The following SEMA5A variants were observed in gnomAD, a reference collection of about 807,000 sequenced individuals.
SEMA5A encodes semaphorin 5A.
SEMA5A carries 55 observed loss-of-function variants against 135.5 expected under a neutral mutation model. The observed-to-expected ratio is 0.41, with a 90% CI of 0.33 to 0.51. SEMA5A has a LOEUF of 0.51. SEMA5A is among the 20% of genes least tolerant of loss of function. The probability of loss-of-function intolerance (pLI) is 0.37; values close to 1 mark genes in which losing one functional copy is unlikely to be tolerated. For missense variants in SEMA5A, 1,290 were observed against 1,419.9 expected, an observed-to-expected ratio of 0.91 and a Z score of 1.47; for synonymous variants, 580 against 546.5, an observed-to-expected ratio of 1.06 and a Z score of -0.85.
At chr5:9,093,939 C>A (rs1258509705) in intron 16 of SEMA5A, among the ~76,000 whole-genome samples, 1 of 152,186 alleles carries the variant, frequency 6.6e-6, no homozygotes, top group African/African-American at 2.4e-5. Context: ...TTGGCCGAGT[C>A]CTGCCCACAC....
chr5:9,163,857 A>T (rs1743432482), intron 11 of SEMA5A, among the ~76,000 whole-genome samples: 1 of 151,806 alleles, frequency 6.6e-6, no homozygotes, highest in African/African-American at 2.4e-5. Context: ...AGGAGAAACC[A>T]AACCTGCCGA....
intron 5 of SEMA5A, among the ~76,000 whole-genome samples, chr5:9,243,553 T>C (rs959261026): frequency 6.6e-6 from 1 of 152,188 alleles, no homozygotes; most frequent in Non-Finnish European, 1.5e-5. Flanking sequence ...AAACAATTCA[T>C]AGTCACAAAT....
intron 1 of SEMA5A, among the ~76,000 whole-genome samples, chr5:9,473,383 T>TTAAAAAAAA (rs375160174): frequency 2.5e-5 from 2 of 79,702 alleles, no homozygotes; most frequent in African/African-American, 5.1e-5. Context: ...CAATCAGTGG[T>TTAAAAAAAA]AAAAAAAAAA....
chr5:9,452,914 T>C (rs1257106603), intron 1 of SEMA5A, among the ~76,000 whole-genome samples: 1 of 152,124 alleles, frequency 6.6e-6, no homozygotes, highest in Admixed American at 6.6e-5. Flanking sequence ...GAAGAAGGAC[T>C]ACTCTGAGAG....
At chr5:9,128,287 T>C (rs569123745) in intron 13 of SEMA5A, among the ~76,000 whole-genome samples, 8 of 152,266 alleles carry the variant, frequency 5.3e-5, no homozygotes, top group East Asian at 1.9e-4. Context: ...ACCCCTTCAG[T>C]TGGGCCAGTG....
chr5:9,427,790 G>A (rs1049502667), intron 2 of SEMA5A, among the ~76,000 whole-genome samples: 1 of 152,096 alleles, frequency 6.6e-6, no homozygotes, highest in African/African-American at 2.4e-5. Flanking sequence ...TCCTCTAGTA[G>A]GTGGATCCTT....
intron 1 of SEMA5A, among the ~76,000 whole-genome samples, chr5:9,441,760 T>C (rs576363628): frequency 1.6e-4 from 25 of 152,234 alleles, no homozygotes; most frequent in African/African-American, 5.3e-4. Context: ...AGCAGCAGCA[T>C]GTGCCACGAT....
chr5:9,164,332 A>G (rs1282346990), intron 11 of SEMA5A, among the ~76,000 whole-genome samples: 1 of 147,470 alleles, frequency 6.8e-6, no homozygotes, highest in Non-Finnish European at 1.5e-5. Context: ...CAAGAGTAGG[A>G]TATAGAAATA....
At chr5:9,158,858 A>G (rs1317535111) in intron 11 of SEMA5A, among the ~76,000 whole-genome samples, 1 of 152,246 alleles carries the variant, frequency 6.6e-6, no homozygotes, top group African/African-American at 2.4e-5. Context: ...ACATCATTAA[A>G]TATTATACTT....
chr5:9,035,850 T>A lies in SEMA5A; in HGVS notation c.*7047A>T, dbSNP rs999475862. The A allele has an allele frequency of 3.3e-5, 5 of 150,290 alleles. No individual in the cohort carries two copies. The highest frequency in any genetic ancestry group is 1.2e-4 in the African/African-American group (5 of 40,854). 9.3% of individuals were successfully genotyped at this position (150,290 alleles called of 1,614,324 possible). ...GGAAATGTAAAGCTATCTCATTGTTTTAAAAAGCTAAATTATAATTAAGAT... is the reference window on the plus strand; with the variant it reads ...GGAAATGTAAAGCTATCTCATTGTTATAAAAAGCTAAATTATAATTAAGAT... On this transcript the variant is annotated 3_prime_UTR_variant, in exon 23 of 23. Coordinates refer to ENST00000382496, the MANE Select transcript of SEMA5A (RefSeq NM_003966.3).
intron 8 of SEMA5A, among the ~76,000 whole-genome samples, chr5:9,222,579 G>A (rs759768833): frequency 7.2e-5 from 11 of 152,170 alleles, no homozygotes; most frequent in East Asian, 3.9e-4. Context: ...TAGAGCCACC[G>A]TATTGACCTC....
intron 1 of SEMA5A, among the ~76,000 whole-genome samples, chr5:9,486,794 A>G (rs149554171): frequency 1.3e-5 from 2 of 152,214 alleles, no homozygotes; most frequent in African/African-American, 4.8e-5. Flanking sequence ...CTGTCTAAAA[A>G]GGGGGCCAGA....
At chr5:9,303,757 A>C (rs528641053) in intron 5 of SEMA5A, among the ~76,000 whole-genome samples, 1 of 152,326 alleles carries the variant, frequency 6.6e-6, no homozygotes, top group East Asian at 1.9e-4. Context: ...TTTTAAAGGA[A>C]TACATTAAAA....
chr5:9,323,653 T>A (rs566781191), intron 4 of SEMA5A, among the ~76,000 whole-genome samples: 1 of 149,678 alleles, frequency 6.7e-6, no homozygotes, highest in African/African-American at 2.5e-5. Flanking sequence ...TGTTTCTTTT[T>A]TTCCTTTTTT....
intron 19 of SEMA5A, 173 bp downstream of exon 19, chr5:9,053,914 T>C (rs1308882518): frequency 1.6e-6 from 1 of 636,382 alleles, no homozygotes; most frequent in Non-Finnish European, 2.5e-6. Context: ...TGAGAACTAT[T>C]TTATTATAGA....
At chr5:9,160,095 A>T (rs1238721809) in intron 11 of SEMA5A, among the ~76,000 whole-genome samples, 1 of 152,162 alleles carries the variant, frequency 6.6e-6, no homozygotes, top group Non-Finnish European at 1.5e-5. Context: ...ACAGGTCAAT[A>T]GGTGCAACAA....
chr5:9,207,264 C>T (rs929172471), intron 8 of SEMA5A, among the ~76,000 whole-genome samples: 2 of 151,830 alleles, frequency 1.3e-5, no homozygotes, highest in African/African-American at 4.8e-5. Context: ...CAGCTCACTG[C>T]AACCTCCGCC....
Position 9,122,755 on chromosome 5 carries a change from C to A in SEMA5A, c.1682G>T (p.Gly561Val). Residue 561 changes from glycine (G) to valine (V), a missense_variant, in exon 14 of 23, where the codon GGA (glycine) becomes GTA (valine). Physicochemically the swap from Gly to Val is moderately radical, Grantham distance 109. Around this residue, in one of 3 missense-constraint regions of SEMA5A, gnomAD observed 1,029 missense variants for 1,086.6 expected, o/e 0.95. Transcript: ENST00000382496. ...GGAGCGGGTTCGACAGAGGCAGGATCCCACGGCGCTGCCATCTGTGTGCGT... is the reference window on the plus strand; with the variant it reads ...GGAGCGGGTTCGACAGAGGCAGGATACCACGGCGCTGCCATCTGTGTGCGT... ...PCTHTDGSAV[G>V]SCLCRTRSCD... 6.2e-7 allele frequency: 1 copy of A among 1,613,632 alleles called. No individual in the cohort carries two copies. Among genetic ancestry groups the A allele is most frequent in the East Asian group, 2.2e-5 (1 of 44,840 alleles).
At chr5:9,271,768 A>T (rs901775216) in intron 5 of SEMA5A, among the ~76,000 whole-genome samples, 3 of 152,106 alleles carry the variant, frequency 2.0e-5, no homozygotes, top group Admixed American at 6.5e-5. Context: ...CGGGAAGCAC[A>T]ATGGGTCAGG....
Sources: gnomAD v4.1 joint callset for allele counts (sites outside exome capture counted in the v4.1 genomes callset) on GRCh38, gnomAD v4.1.1 for gene constraint, gnomAD v4.1.1 regional missense constraint, MANE v1.5 for transcripts, NCBI Gene and HGNC (gene_info 2026-07-23, HGNC 2026-07-21) for gene names.